NRXN1: variants seen among roughly 807,000 people sequenced by gnomAD.
NRXN1 encodes the protein neurexin-1.
NRXN1 carries 39 observed loss-of-function variants against 150.9 expected under a neutral mutation model. That is an observed-to-expected ratio of 0.26 (90% CI 0.20 to 0.34). NRXN1 has a LOEUF of 0.34. NRXN1 is among the 10% of genes least tolerant of loss of function. The pLI is 1.00. For synonymous variants in NRXN1, 924 were observed against 757.0 expected (o/e 1.22, Z -3.62); for missense variants, 1,815 against 1,949.9 (o/e 0.93, Z 1.30).
chr2:50,079,119 A>T (rs1427759698), intron 19 of NRXN1, among the ~76,000 whole-genome samples: 2 of 152,022 alleles, frequency 1.3e-5, no homozygotes, highest in Non-Finnish European at 2.9e-5. Flanking sequence ...TTACTTGTTT[A>T]TATCTCTATG....
At chr2:50,054,326 C>A (rs1026674825) in intron 20 of NRXN1, among the ~76,000 whole-genome samples, 1 of 152,008 alleles carries the variant, frequency 6.6e-6, no homozygotes, top group Non-Finnish European at 1.5e-5. Flanking sequence ...GGCACATTTC[C>A]ATCAAACAGC....
chr2:50,041,645 A>C (rs1690981920), intron 21 of NRXN1, among the ~76,000 whole-genome samples: 1 of 152,252 alleles, frequency 6.6e-6, no homozygotes, highest in South Asian at 2.1e-4. Context: ...ACAGCAAGGA[A>C]AAGGTAAACT....
chr2:50,604,042 T>G (rs1050305438), intron 8 of NRXN1, among the ~76,000 whole-genome samples: 2 of 152,034 alleles, frequency 1.3e-5, no homozygotes, highest in Admixed American at 1.3e-4. Context: ...TCTCCAAAAC[T>G]GTAAAAAGTC....
intron 22 of NRXN1, among the ~76,000 whole-genome samples, chr2:49,942,435 G>A (rs768065123): frequency 6.6e-5 from 10 of 151,928 alleles, no homozygotes; most frequent in East Asian, 1.9e-4. Flanking sequence ...TCTAAAGAGC[G>A]GATTTACTCT....
intron 8 of NRXN1, among the ~76,000 whole-genome samples, chr2:50,586,046 T>C (rs1242789563): frequency 6.6e-6 from 1 of 152,164 alleles, no homozygotes; most frequent in African/African-American, 2.4e-5. Flanking sequence ...GAAGCCAAAG[T>C]CCTTCTCAAA....
chr2:50,655,058 C>A (rs1283290183), intron 5 of NRXN1, among the ~76,000 whole-genome samples: 3 of 151,866 alleles, frequency 2.0e-5, no homozygotes, highest in African/African-American at 7.2e-5. Context: ...ATAGAAAAGT[C>A]TGGAAAATTG....
chr2:50,934,272 A>G (rs1465354414), intron 2 of NRXN1, among the ~76,000 whole-genome samples: 1 of 152,148 alleles, frequency 6.6e-6, no homozygotes, highest in East Asian at 1.9e-4. Flanking sequence ...AACATTTATA[A>G]TAAATAATTT....
intron 8 of NRXN1, among the ~76,000 whole-genome samples, chr2:50,609,520 A>G (rs995780483): frequency 5.3e-5 from 8 of 152,116 alleles, no homozygotes; most frequent in Non-Finnish European, 8.8e-5. Context: ...CAGAGCCTCA[A>G]TTACATAGTC....
chr2:51,028,422 C>T lies in NRXN1; in HGVS notation c.-149G>A. On this transcript the variant is annotated 5_prime_UTR_variant, in exon 2 of 23. Coordinates refer to ENST00000401669, the MANE Select transcript of NRXN1 (RefSeq NM_001330078.2). The stretch of plus-strand genomic sequence containing the variant: ...GGGATGTGCCCTCCTTTATCTAGTT[C>T]TTTTTTTCTTCTTCTTCTTCCAATA... The T allele has an allele frequency of 2.1e-6, 1 of 482,914 alleles. No homozygotes were observed. 29.9% of individuals were successfully genotyped at this position (482,914 alleles called of 1,614,324 possible).
At chr2:50,687,988 C>T (rs761869515) in intron 5 of NRXN1, among the ~76,000 whole-genome samples, 79 of 152,086 alleles carry the variant, frequency 5.2e-4, no homozygotes, top group African/African-American at 3.4e-4. Flanking sequence ...CCTGAAAGAA[C>T]GAAAATTTAG....
intron 21 of NRXN1, among the ~76,000 whole-genome samples, chr2:50,017,659 CCTTT>C (rs1240066821): frequency 7.1e-5 from 6 of 84,090 alleles, no homozygotes; most frequent in Admixed American, 2.5e-4. Flanking sequence ...AAAAACACAG[CCTTT>C]TTTTTTTTTT....
chr2:50,661,744 C>T (rs1189054463), intron 5 of NRXN1, among the ~76,000 whole-genome samples: 1 of 151,992 alleles, frequency 6.6e-6, no homozygotes, highest in African/African-American at 2.4e-5. Context: ...TTAGAACCCC[C>T]AAAAAAGGAT....
intron 5 of NRXN1, among the ~76,000 whole-genome samples, chr2:50,700,055 A>T (rs1232889119): frequency 6.6e-6 from 1 of 152,062 alleles, no homozygotes; most frequent in Non-Finnish European, 1.5e-5. Flanking sequence ...AATAGTCTTT[A>T]AAAAAAATTG....
At chr2:50,259,094 A>C (rs183760809) in intron 17 of NRXN1, among the ~76,000 whole-genome samples, 12 of 152,132 alleles carry the variant, frequency 7.9e-5, no homozygotes, top group African/African-American at 2.6e-4. Context: ...CACCAGCTGC[A>C]TTAGCCCCTA....
chr2:50,376,135 C>A (rs1317453864), intron 17 of NRXN1, among the ~76,000 whole-genome samples: 1 of 151,508 alleles, frequency 6.6e-6, no homozygotes, highest in Non-Finnish European at 1.5e-5. Context: ...TTTATTATTT[C>A]ATTAATTCCT....
At chr2:50,188,787 T>C (rs146984012) in intron 18 of NRXN1, among the ~76,000 whole-genome samples, 2,954 of 152,136 alleles carry the variant, frequency 0.019, 96 homozygotes, top group African/African-American at 0.068. Flanking sequence ...CACTGGTCAT[T>C]AGAAAAATGC....
Position 49,958,393 on chromosome 2 carries a change from A to G in NRXN1, c.4129-14602T>C, listed in dbSNP as rs1351904980. On this transcript the variant is annotated intron_variant, in intron 21 of 22. Transcript: ENST00000401669. ...AGTGATTAAACATATCCTCTCTTGG[A>G]TAGCTTTCCTCTTGCCAGCCTTGCA... Among the ~76,000 whole-genome samples the G allele has an allele frequency of 3.3e-5, 5 of 152,118 alleles. No individual in the cohort carries two copies. In the East Asian group the frequency reaches 9.6e-4, roughly 29 times the overall value.
chr2:50,181,424 C>CT (rs1395480486), intron 18 of NRXN1, among the ~76,000 whole-genome samples: 1 of 152,024 alleles, frequency 6.6e-6, no homozygotes, highest in Non-Finnish European at 1.5e-5. Flanking sequence ...CAGATCCATG[C>CT]TTTTAGGTAG....
At chr2:50,201,733 G>T (rs1040127177) in intron 18 of NRXN1, among the ~76,000 whole-genome samples, 7 of 152,146 alleles carry the variant, frequency 4.6e-5, no homozygotes, top group Non-Finnish European at 1.0e-4. Flanking sequence ...TAATTCAGGG[G>T]TACTTAACTA....
Sources: gnomAD v4.1 joint callset for allele counts (sites outside exome capture counted in the v4.1 genomes callset) on GRCh38, gnomAD v4.1.1 for gene constraint, MANE v1.5 for transcripts, NCBI Gene and HGNC (gene_info 2026-07-23, HGNC 2026-07-21) for gene names.